NUTM2G: variants seen among roughly 807,000 people sequenced by gnomAD.
NUTM2G encodes the protein family with sequence similarity 22, member G.
A neutral mutation model predicts 44.3 loss-of-function variants in NUTM2G; 29 were observed. That is an observed-to-expected ratio of 0.66 (90% confidence interval 0.49 to 0.89). NUTM2G has a LOEUF of 0.89. Ranked by LOEUF, NUTM2G falls within the 40% of genes least tolerant of loss-of-function variation. The pLI is 0.00. For missense variants in NUTM2G, 502 were observed against 946.5 expected (o/e 0.53, Z 6.16); for synonymous variants, 205 against 395.9 (o/e 0.52, Z 5.72).
Position 96,938,072 on chromosome 9 carries a change from G to A in NUTM2G, c.1440+71G>A, listed in dbSNP as rs1425455599. ...GGGACCCGGCACACAAGGCCCACCC[G>A]ACTGTCTAAGCCCACCCTGCTGGGG... On this transcript the variant is annotated intron_variant, in intron 6 of 6. Transcript: ENST00000372322. 1.6e-5 allele frequency: 25 copies of A among 1,599,204 alleles called. No individual in the cohort carries two copies. The East Asian group carries it at 2.9e-4, about 19-fold the overall frequency.
In NUTM2G at chr9:96,938,709, GCCT is replaced by G; in HGVS notation, c.1787_1789del (p.Ala596_Leu597delinsVal). 1 of 1,604,918 alleles carries G rather than the reference GCCT, an allele frequency of 6.2e-7. No homozygotes were observed. The highest frequency in any genetic ancestry group is 8.5e-7 in the Non-Finnish European group (1 of 1,178,944). ...CTGCCCCGGCCTGGGGACCAAGGAC[GCCT>G]TGGGTCTCCCTGGAGAGTCTCCTGT... On this transcript the variant is annotated inframe_deletion, in exon 7 of 7. Transcript: ENST00000372322.
intron 2 of NUTM2G, among the ~76,000 whole-genome samples, chr9:96,935,082 T>TGAGTTCACTTGTCAACATCATAACACC: frequency 6.6e-6 from 1 of 152,206 alleles, no homozygotes; most frequent in Non-Finnish European, 1.5e-5. Flanking sequence ...CCCATAGCAC[T>TGAGTTCACTTGTCAACATCATAACACC]GAGTTCACTT....
chr9:96,936,354 G>A (rs2257632), intron 3 of NUTM2G, 71 bp from the exon 4 acceptor site: 189 of 1,537,110 alleles, frequency 1.2e-4, no homozygotes, highest in South Asian at 1.7e-4. Flanking sequence ...CCCTGCCCTC[G>A]GCTGCTGCCT....
chr9:96,941,977 GTGCTGGGGGTA>G (rs1826600428), downstream of NUTM2G, among the ~76,000 whole-genome samples: 1 of 150,830 alleles, frequency 6.6e-6, no homozygotes, highest in Non-Finnish European at 1.5e-5. Flanking sequence ...CTCACAGCAG[GTGCTGGGGGTA>G]TGCTGAGGCT....
At chr9:96,935,185 G>A in intron 2 of NUTM2G, 143 bp from the exon 3 acceptor site, 1 of 1,431,984 alleles carries the variant, frequency 7.0e-7, no homozygotes, top group South Asian at 1.3e-5. Flanking sequence ...TGTCCTGGAG[G>A]CTGAGGAGCC....
At chr9:96,929,086 A>G (rs762281305) in intron 1 of NUTM2G, 46 bp downstream of exon 1, 15 of 1,610,172 alleles carry the variant, frequency 9.3e-6, no homozygotes, top group Non-Finnish European at 1.3e-5. Flanking sequence ...CCTTGCCTCA[A>G]CTCCTTGGGA....
At chr9:96,934,482 C>T (rs561472569) in intron 2 of NUTM2G, among the ~76,000 whole-genome samples, 2 of 152,116 alleles carry the variant, frequency 1.3e-5, no homozygotes, top group South Asian at 2.1e-4. Flanking sequence ...GCCCCGGGCT[C>T]ACAGGCCTTT....
At chr9:96,931,020 G>C (rs942722342) in intron 1 of NUTM2G, among the ~76,000 whole-genome samples, 1 of 151,136 alleles carries the variant, frequency 6.6e-6, no homozygotes, top group African/African-American at 2.4e-5. Context: ...TCAGCCTCCT[G>C]AGTAGCTGCG....
chr9:96,930,281 T>C (rs1826197111), intron 1 of NUTM2G, among the ~76,000 whole-genome samples: 1 of 152,070 alleles, frequency 6.6e-6, no homozygotes, highest in Non-Finnish European at 1.5e-5. Flanking sequence ...TCCCAGCACT[T>C]TGGGAGACCA....
rs1481684062 is a variant in NUTM2G, at chr9:96,936,627, T to C, written c.982+63T>C. 5 of 1,526,086 alleles carry C rather than the reference T, an allele frequency of 3.3e-6. No individual in the cohort carries two copies. The South Asian group carries it at 4.9e-5, about 15-fold the overall frequency. The allele number at this position is 1,526,086 out of a possible 1,614,324, so 94.5% of individuals were successfully genotyped here. ...GGCCAAAGGGGCCAAGGGAGGCCAC[T>C]GTCCCCACATCCCATGCTTCCCTTC... On this transcript the variant is annotated intron_variant, in intron 4 of 6. Coordinates refer to ENST00000372322, the MANE Select transcript of NUTM2G (RefSeq NM_001170741.3).
intron 2 of NUTM2G, among the ~76,000 whole-genome samples, chr9:96,932,959 C>T (rs1826312568): frequency 6.7e-6 from 1 of 148,894 alleles, no homozygotes; most frequent in Non-Finnish European, 1.5e-5. Context: ...CCAATACTTA[C>T]TTTCTTTTCT....
intron 1 of NUTM2G, among the ~76,000 whole-genome samples, chr9:96,930,958 G>A (rs1394942279): frequency 5.5e-5 from 7 of 126,336 alleles, no homozygotes; most frequent in South Asian, 2.7e-4. Context: ...GAAGTGGCAC[G>A]ATCTCGGCTC....
chr9:96,931,466 C>T (rs890161011), intron 1 of NUTM2G, among the ~76,000 whole-genome samples: 12 of 151,656 alleles, frequency 7.9e-5, no homozygotes, highest in Non-Finnish European at 2.9e-5. Context: ...CGAGGGAGAC[C>T]CTCAGAGACA....
At chr9:96,938,054 G>C in intron 6 of NUTM2G, 53 bp downstream of exon 6, 1 of 1,609,614 alleles carries the variant, frequency 6.2e-7, no homozygotes, top group Non-Finnish European at 8.5e-7. Context: ...GGAGGGACCC[G>C]GCACACAAGG....
chr9:96,934,386 G>A (rs1826363508), intron 2 of NUTM2G, among the ~76,000 whole-genome samples: 1 of 152,092 alleles, frequency 6.6e-6, no homozygotes. Flanking sequence ...CAACAGTCTC[G>A]CTGCCCCCAC....
intron 3 of NUTM2G, 62 bp downstream of exon 3, chr9:96,935,518 C>T (rs1408631040): frequency 1.7e-5 from 27 of 1,611,200 alleles, no homozygotes; most frequent in Middle Eastern, 2.2e-4. Context: ...GACAGAGGCC[C>T]GGTGGCCGTG....
chr9:96,935,507 T>C, intron 3 of NUTM2G, 51 bp downstream of exon 3: 1 of 1,611,518 alleles, frequency 6.2e-7, no homozygotes, highest in Non-Finnish European at 8.5e-7. Context: ...TGAGAGTGAA[T>C]GACAGAGGCC....
intron 2 of NUTM2G, among the ~76,000 whole-genome samples, chr9:96,934,357 G>C (rs1261314175): frequency 1.3e-5 from 2 of 152,188 alleles, no homozygotes; most frequent in African/African-American, 2.4e-5. Flanking sequence ...GTAGGTGAAG[G>C]CGGTCCCGTC....
chr9:96,938,041 G>A (rs376483929), intron 6 of NUTM2G, 40 bp downstream of exon 6: 6 of 1,611,658 alleles, frequency 3.7e-6, no homozygotes, highest in East Asian at 2.2e-5. Context: ...TACTCCAGGG[G>A]CAGGAGGGAC....
Sources: gnomAD v4.1 joint callset for allele counts (sites outside exome capture counted in the v4.1 genomes callset) on GRCh38, gnomAD v4.1.1 for gene constraint, MANE v1.5 for transcripts, NCBI Gene and HGNC (gene_info 2026-07-23, HGNC 2026-07-21) for gene names.